The following NAA60 variants were observed in gnomAD, a reference collection of about 807,000 sequenced individuals.
NAA60 encodes the protein N-alpha-acetyltransferase 60.
NAA60 carries 8 observed loss-of-function variants against 26.1 expected under a neutral mutation model. That is an observed-to-expected ratio of 0.31 (90% CI 0.18 to 0.55). The LOEUF is 0.55. Ranked by LOEUF, NAA60 falls within the 20% of genes least tolerant of loss-of-function variation. NAA60 has a pLI of 0.93. For synonymous variants in NAA60, 131 were observed against 122.5 expected (o/e 1.07, Z -0.46); for missense variants, 290 against 311.3 (o/e 0.93, Z 0.51).
intron 1 of NAA60, 115 bp from the exon 2 acceptor site, chr16:3,448,356 C>A: frequency 1.5e-6 from 1 of 687,546 alleles, no homozygotes; most frequent in Non-Finnish European, 2.3e-6. Context: ...CCCAAAAGGG[C>A]CCATCAGATT....
intron 2 of NAA60, among the ~76,000 whole-genome samples, chr16:3,451,784 G>A (rs1234217100): frequency 6.6e-6 from 1 of 151,910 alleles, no homozygotes; most frequent in Non-Finnish European, 1.5e-5. Flanking sequence ...GAGGCTTGGT[G>A]GTAGGCGCCT....
At chr16:3,474,659 C>G (rs997108869) in intron 2 of NAA60, among the ~76,000 whole-genome samples, 1 of 152,236 alleles carries the variant, frequency 6.6e-6, no homozygotes, top group Non-Finnish European at 1.5e-5. Context: ...CGAGGTCTTT[C>G]CTGGGCAGTG....
At chr16:3,472,089 C>G (rs2036185193) in intron 2 of NAA60, 1 of 152,234 alleles carries the variant, frequency 6.6e-6, no homozygotes, top group Non-Finnish European at 1.5e-5. Flanking sequence ...AGTTACACGC[C>G]CGGCGTCCTT....
At chr16:3,477,454 C>T (rs965086635) in intron 3 of NAA60, among the ~76,000 whole-genome samples, 1 of 152,228 alleles carries the variant, frequency 6.6e-6, no homozygotes, top group Non-Finnish European at 1.5e-5. Context: ...TTTGTGGAAG[C>T]GGGAACTGTC....
chr16:3,482,625 G>C, intron 5 of NAA60, 27 bp downstream of exon 5: 3 of 1,532,470 alleles, frequency 2.0e-6, no homozygotes, highest in South Asian at 1.2e-5. Context: ...CCGCGGCTTG[G>C]CGCCCACCCC....
chr16:3,484,708 C>G lies in NAA60; in HGVS notation c.582C>G (p.Ile194Met). The G allele has an allele frequency of 6.3e-7, 1 of 1,592,432 alleles. No individual in the cohort carries two copies. The highest frequency in any genetic ancestry group is 8.5e-7 in the Non-Finnish European group (1 of 1,170,520). Residue 194 changes from isoleucine to methionine, a missense_variant, in exon 7 of 8, where the codon ATC becomes ATG. Ile to Met is a conservative substitution (Grantham distance 10). Coordinates refer to ENST00000407558, the MANE Select transcript of NAA60 (RefSeq NM_001083601.3). ...CTTAACAGAGCCCCACGGACTACAT[C>G]CAGCACCTGGGCTCTGCACTAGCCA... ...GHPPWTILDY[I>M]QHLGSALASL...
chr16:3,485,728 G>A lies in NAA60; in HGVS notation c.*468G>A, dbSNP rs2037117485. 2.2e-6 allele frequency: 1 copy of A among 455,830 alleles called. No individual in the cohort carries two copies. Among genetic ancestry groups the A allele is most frequent in the African/African-American group, 2.0e-5 (1 of 50,172 alleles). 28.2% of individuals were successfully genotyped at this position (455,830 alleles called of 1,614,324 possible). On this transcript the variant is annotated 3_prime_UTR_variant, in exon 8 of 8. Coordinates refer to ENST00000407558, the MANE Select transcript of NAA60 (RefSeq NM_001083601.3). ...AAGGCACAGGAGCCTCGGAACAAGG[G>A]GGCGCAATAAAGGGAATGGCCCGTC...
chr16:3,479,843 T>A (rs769491450), intron 4 of NAA60, among the ~76,000 whole-genome samples: 4 of 152,220 alleles, frequency 2.6e-5, no homozygotes, highest in African/African-American at 4.8e-5. Context: ...ACTGTCGTTC[T>A]GAAGCAGGCA....
intron 2 of NAA60, among the ~76,000 whole-genome samples, chr16:3,475,321 C>G (rs1253433972): frequency 2.0e-5 from 3 of 151,772 alleles, no homozygotes; most frequent in Non-Finnish European, 2.9e-5. Flanking sequence ...AACTCCTGAC[C>G]TCAGGCAGTC....
At chr16:3,482,408 T>C in intron 4 of NAA60, 94 bp from the exon 5 acceptor site, 1 of 1,002,242 alleles carries the variant, frequency 1.0e-6, no homozygotes, top group Non-Finnish European at 1.5e-6. Context: ...CTGGCTGTCG[T>C]GGGAAGTCGG....
At chr16:3,482,977 G>A (rs961314058) in intron 5 of NAA60, 16 of 463,702 alleles carry the variant, frequency 3.5e-5, no homozygotes, top group African/African-American at 2.1e-4. Context: ...AACACTCACC[G>A]TTTCTCCGAT....
chr16:3,473,917 A>G (rs1049680278), intron 2 of NAA60, among the ~76,000 whole-genome samples: 1 of 150,780 alleles, frequency 6.6e-6, no homozygotes, highest in Admixed American at 6.6e-5. Flanking sequence ...ATATTTTTGT[A>G]GAGACAGGGT....
chr16:3,452,134 G>C (rs2034810383), intron 2 of NAA60, among the ~76,000 whole-genome samples: 1 of 152,180 alleles, frequency 6.6e-6, no homozygotes, highest in South Asian at 2.1e-4. Flanking sequence ...GATCACTTGA[G>C]ACCAGGAGGT....
In NAA60 at chr16:3,458,251, G is replaced by A. The variant is rs1229064984; in HGVS notation, c.-7+9711G>A. On this transcript the variant is annotated intron_variant, in intron 2 of 7. Transcript: ENST00000407558. ...GGCGCCGAGGGGGCGGGGTAGGCGG[G>A]GAGGCCGCGCCGGGGTCAGGGGGGC... is the stretch of plus-strand genomic sequence containing the variant. The A allele has an allele frequency of 6.0e-5, 56 of 933,072 alleles. No individual in the cohort carries two copies. In the South Asian group the frequency reaches 2.5e-3, roughly 41 times the overall value. 57.8% of individuals were successfully genotyped at this position (933,072 alleles called of 1,614,324 possible).
intron 6 of NAA60, 25 bp from the exon 7 acceptor site, chr16:3,484,674 G>A (rs761256479): frequency 5.3e-5 from 84 of 1,573,044 alleles, no homozygotes; most frequent in South Asian, 1.4e-4. Flanking sequence ...AGGGCAAGTC[G>A]GAATCTTCCT....
At chr16:3,455,546 C>G (rs1407579397) in intron 2 of NAA60, among the ~76,000 whole-genome samples, 1 of 151,440 alleles carries the variant, frequency 6.6e-6, no homozygotes, top group Non-Finnish European at 1.5e-5. Context: ...AGGCACCTGC[C>G]ACCACGCCCG....
chr16:3,450,047 A>AC, intron 2 of NAA60: 1 of 397,774 alleles, frequency 2.5e-6, no homozygotes. Flanking sequence ...AGAGAAAAGA[A>AC]GAAGAAGGAA....
In NAA60 at chr16:3,479,506, A is replaced by C; in HGVS notation, c.146A>C (p.Asn49Thr). Residue 49 changes from asparagine to threonine, a missense_variant, in exon 4 of 8, where the codon AAC (asparagine) becomes ACC (threonine). Physicochemically the swap from Asn to Thr is moderately conservative, Grantham distance 65. Coordinates refer to ENST00000407558, the MANE Select transcript of NAA60 (RefSeq NM_001083601.3). Reference protein sequence around the residue: ...PDSWYRDITSNKKFFSLAATY... With the variant: ...PDSWYRDITSTKKFFSLAATY... ...TCATGGTATCGTGATATCACATCCA[A>C]CAAGAAGTTCTTTTCCCTTGCTGCA... 6.2e-7 allele frequency: 1 copy of C among 1,614,042 alleles called. No homozygotes were observed. The highest frequency in any genetic ancestry group is 2.2e-5 in the East Asian group (1 of 44,888).
intron 2 of NAA60, 44 bp from the exon 3 acceptor site, chr16:3,476,178 G>C (rs767941390): frequency 2.2e-5 from 32 of 1,468,872 alleles, no homozygotes; most frequent in Non-Finnish European, 2.6e-5. Context: ...GCATGAGGAA[G>C]ACCAGGCTGT....
Sources: allele counts gnomAD v4.1 joint callset (sites outside exome capture counted in the v4.1 genomes callset), GRCh38; gene constraint gnomAD v4.1.1; transcripts MANE v1.5; gene names NCBI Gene and HGNC (gene_info 2026-07-23, HGNC 2026-07-21).